POSTN: variants seen among roughly 807,000 people sequenced by gnomAD.
POSTN encodes periostin.
In POSTN, 71 loss-of-function variants were observed where a neutral mutation model predicts 104.5. The ratio of observed to expected loss-of-function variants is 0.68; its 90% CI spans 0.56 to 0.83. POSTN has a LOEUF of 0.83. Ranked by LOEUF, POSTN falls within the 40% of genes least tolerant of loss-of-function variation. POSTN has a pLI of 0.00. For synonymous variants in POSTN, 355 were observed against 340.7 expected, an observed-to-expected ratio of 1.04 and a Z score of -0.46; for missense variants, 949 against 1,006.8, an observed-to-expected ratio of 0.94 and a Z score of 0.78.
intron 17 of POSTN, 99 bp downstream of exon 17, chr13:37,574,473 C>A: frequency 7.2e-7 from 1 of 1,386,046 alleles, no homozygotes; most frequent in South Asian, 1.5e-5. Flanking sequence ...TAACATTTAA[C>A]ATGTTAGTTT....
intron 17 of POSTN, among the ~76,000 whole-genome samples, chr13:37,574,087 C>A (rs911473464): frequency 6.6e-6 from 1 of 151,240 alleles, no homozygotes; most frequent in African/African-American, 2.4e-5. Flanking sequence ...ATATCTCATG[C>A]GTGGTTGTAA....
intron 21 of POSTN, among the ~76,000 whole-genome samples, chr13:37,568,110 T>C (rs1374886297): frequency 6.6e-6 from 1 of 152,082 alleles, no homozygotes; most frequent in Non-Finnish European, 1.5e-5. Context: ...TAGGGGTAGA[T>C]AGTGAATTCT....
At position 37,580,648 on chromosome 13, in the gene POSTN, C is replaced by T; in HGVS notation, c.1442G>A (p.Arg481Lys). The change falls in exon 11 of 23, where the codon AGA becomes AAA. Residue 481 changes from arginine to lysine, a missense_variant. Transcript: ENST00000379747. The stretch of plus-strand genomic sequence containing the variant: ...GCGGAATATGTGAATCGCACCGTTT[C>T]TCCCTTGCTTACTCCCTTTCTCCAT... ...SCMEKGSKQG[R>K]NGAIHIFREI... 1.2e-6 allele frequency: 2 copies of T among 1,614,118 alleles called. No homozygotes were observed. The highest frequency in any genetic ancestry group is 1.7e-6 in the Non-Finnish European group (2 of 1,179,992).
At chr13:37,587,434 T>C (rs1350660208) in intron 5 of POSTN, among the ~76,000 whole-genome samples, 1 of 152,314 alleles carries the variant, frequency 6.6e-6, no homozygotes, top group East Asian at 1.9e-4. Context: ...CTGTTGGCAG[T>C]TTCCCACAAA....
At chr13:37,580,524 C>T (rs536305362) in intron 11 of POSTN, 37 bp downstream of exon 11, 6 of 1,302,348 alleles carry the variant, frequency 4.6e-6, no homozygotes, top group Admixed American at 1.8e-5. Flanking sequence ...ATGCCAATAG[C>T]TCTCATTCTC....
At chr13:37,567,452 C>T (rs961658620) in intron 21 of POSTN, among the ~76,000 whole-genome samples, 2 of 151,486 alleles carry the variant, frequency 1.3e-5, no homozygotes, top group Admixed American at 1.3e-4. Context: ...CAAGGGGATA[C>T]TTGTGACTCA....
At chr13:37,581,002 T>A (rs1195991249) in intron 10 of POSTN, among the ~76,000 whole-genome samples, 1 of 152,194 alleles carries the variant, frequency 6.6e-6, no homozygotes, top group African/African-American at 2.4e-5. Context: ...CTATTCAGAT[T>A]TGAACTATTT....
rs372903218 is a variant in POSTN, at chr13:37,588,793, G to A, written c.442-807C>T. 9.9e-5 allele frequency among the ~76,000 whole-genome samples: 15 copies of A among 152,260 alleles called. 1 individual carries two copies. Among genetic ancestry groups the A allele is most frequent in the East Asian group, 9.6e-4 (5 of 5,192 alleles). On this transcript the variant is annotated intron_variant, in intron 4 of 22. Coordinates refer to ENST00000379747, the MANE Select transcript of POSTN (RefSeq NM_006475.3). ...TTAGAAGGGTATGTGGGACAATAAC[G>A]TGGATAACTTTAATGCCCTAAGAGG...
At chr13:37,584,580 A>T in intron 8 of POSTN, 136 bp downstream of exon 8, 1 of 715,806 alleles carries the variant, frequency 1.4e-6, no homozygotes, top group Non-Finnish European at 2.3e-6. Context: ...GTAGCTCACT[A>T]TTTATTGTGT....
intron 10 of POSTN, among the ~76,000 whole-genome samples, chr13:37,581,383 G>T (rs74724324): frequency 0.088 from 13,417 of 152,168 alleles, 824 homozygotes; most frequent in South Asian, 0.17. Flanking sequence ...TAGTTGAACT[G>T]TAATTTTGAT....
intron 4 of POSTN, among the ~76,000 whole-genome samples, chr13:37,589,202 C>T (rs1451222951): frequency 6.6e-6 from 1 of 152,030 alleles, no homozygotes; most frequent in African/African-American, 2.4e-5. Context: ...TACTGAGGTT[C>T]CAAGAAGAAA....
chr13:37,564,344 T>G, intron 22 of POSTN, among the ~76,000 whole-genome samples, 175 bp downstream of exon 22: 1 of 150,946 alleles, frequency 6.6e-6, no homozygotes, highest in East Asian at 1.9e-4. Context: ...GTATAGAACA[T>G]GAGAAATTTA....
intron 2 of POSTN, among the ~76,000 whole-genome samples, chr13:37,592,784 T>C (rs1314612533): frequency 6.6e-6 from 1 of 152,170 alleles, no homozygotes; most frequent in Non-Finnish European, 1.5e-5. Context: ...TTAACATGAA[T>C]ATAGTAGCTA....
At chr13:37,567,635 G>A (rs1237471782) in intron 21 of POSTN, among the ~76,000 whole-genome samples, 3 of 152,044 alleles carry the variant, frequency 2.0e-5, no homozygotes, top group Non-Finnish European at 4.4e-5. Flanking sequence ...TGCTATAATA[G>A]TTGACGTGGC....
At position 37,574,576 on chromosome 13, in the gene POSTN, A is replaced by T; in HGVS notation, c.2085T>A (p.Thr695=). The T allele has an allele frequency of 6.3e-7, 1 of 1,590,638 alleles. No homozygotes were observed. The highest frequency in any genetic ancestry group is 8.5e-7 in the Non-Finnish European group (1 of 1,172,912). Residue 695 remains threonine, a synonymous_variant, in exon 17 of 23, where the codon ACT becomes ACA. Transcript: ENST00000379747. ...ATGTATAACATTGATTTTTACCTTC[A>T]GTTTTGATAATAGGCTGAAGACTGC... The part of the protein sequence containing the change: ...IEGSLQPIIK[T]EGPTLTKVKI...
intron 13 of POSTN, 39 bp downstream of exon 13, chr13:37,579,190 T>A: frequency 6.2e-7 from 1 of 1,606,694 alleles, no homozygotes; most frequent in Non-Finnish European, 8.5e-7. Flanking sequence ...AACTTAATGA[T>A]GGATGAACAC....
chr13:37,595,812 T>C (rs1380675043), intron 2 of POSTN, among the ~76,000 whole-genome samples: 2 of 106,438 alleles, frequency 1.9e-5, no homozygotes, highest in African/African-American at 5.5e-5. Context: ...ATTTAGTATC[T>C]TTTTTTTTTT....
rs578235155 is a variant in POSTN at position 37,577,765 on chromosome 13, C to T, written c.1996G>A (p.Val666Met). ...ATTATATACTTACTATAGACAGTCA[C>T]GGGGATTTCTTTGAAGGTGCTACCA... ...VRGSTFKEIP[V>M]TVYTTKIITK... The change falls in exon 16 of 23, where the codon GTG becomes ATG. Residue 666 changes from valine (V) to methionine (M), a missense_variant. Val to Met is a conservative substitution (Grantham distance 21, BLOSUM62 1). Transcript: ENST00000379747. The T allele has an allele frequency of 3.1e-5, 50 of 1,613,236 alleles. No homozygotes were observed. In the Admixed American group the frequency reaches 4.0e-4, roughly 13 times the overall value.
chr13:37,581,149 T>C (rs1950577305), intron 10 of POSTN, among the ~76,000 whole-genome samples: 1 of 152,212 alleles, frequency 6.6e-6, no homozygotes, highest in East Asian at 1.9e-4. Context: ...ATTGACATAT[T>C]CATAGCTTTT....
Sources: allele counts gnomAD v4.1 joint callset (sites outside exome capture counted in the v4.1 genomes callset), GRCh38; gene constraint gnomAD v4.1.1; transcripts MANE v1.5; gene names NCBI Gene and HGNC (gene_info 2026-07-23, HGNC 2026-07-21).